Variants in TENT4B observed in about 807,000 individuals in gnomAD.
The protein encoded by TENT4B is terminal nucleotidyltransferase 4B, also known as PAP associated domain containing 5.
A neutral mutation model predicts 75.0 loss-of-function variants in TENT4B; 10 were observed. The observed-to-expected ratio is 0.13, with a 90% CI of 0.08 to 0.23. The LOEUF is 0.23. Among genes scored for constraint, TENT4B ranks in the 10% least tolerant of loss-of-function variants. TENT4B has a pLI of 1.00. For missense variants in TENT4B, 579 were observed against 893.8 expected (o/e 0.65, Z 4.49); for synonymous variants, 350 against 357.7 (o/e 0.98, Z 0.24).
intron 1 of TENT4B, among the ~76,000 whole-genome samples, chr16:50,183,479 G>A (rs7186732): frequency 0.75 from 113,021 of 150,280 alleles, 42,995 homozygotes; most frequent in Non-Finnish European, 0.8. Context: ...TTAATGTGCT[G>A]GTCTTTCTAT....
chr16:50,174,742 C>CTTT (rs35242106), intron 1 of TENT4B, among the ~76,000 whole-genome samples: 34 of 75,818 alleles, frequency 4.5e-4, no homozygotes, highest in South Asian at 1.0e-3. Flanking sequence ...CTCCCCTACT[C>CTTT]TTTTTTTTTT....
chr16:50,221,766 AC>A (rs1260482490), intron 5 of TENT4B, among the ~76,000 whole-genome samples: 1 of 150,584 alleles, frequency 6.6e-6, no homozygotes, highest in Admixed American at 6.6e-5. Context: ...TATAGCAAGT[AC>A]TTTTTTTTTT....
Position 50,230,466 on chromosome 16 carries a change from A to G in TENT4B, c.*1138A>G. 10 of 984,530 alleles carry G rather than the reference A, an allele frequency of 1.0e-5. No individual in the cohort carries two copies. Among genetic ancestry groups the G allele is most frequent in the Non-Finnish European group, 1.2e-5 (10 of 828,688 alleles). 61.0% of individuals were successfully genotyped at this position (984,530 alleles called of 1,614,324 possible). ...ATTCATGCTTAACTACTGTGGGAGA[A>G]TAACTGTAAACAGCTTTAATTAAAT... On this transcript the variant is annotated 3_prime_UTR_variant, in exon 12 of 12. Coordinates refer to ENST00000561678, the MANE Select transcript of TENT4B (RefSeq NM_001365324.3).
At position 50,225,141 on chromosome 16, in the gene TENT4B, A is replaced by G. The variant is rs754957768; in HGVS notation, c.1656A>G (p.Lys552=). ...TAGTAGATACTCAGCAGTTAGATAA[A>G]TGTAATAATAATCTATCTGAAGAAA... ...TLIVDTQQLD[K]CNNNLSEENE... is the part of the protein sequence containing the mutation. The change falls in exon 10 of 12, where the codon AAA becomes AAG. Residue 552 remains lysine, a synonymous_variant. Transcript: ENST00000561678. 3.7e-6 allele frequency: 6 copies of G among 1,613,230 alleles called. No homozygotes were observed. Among genetic ancestry groups the G allele is most frequent in the Non-Finnish European group, 5.1e-6 (6 of 1,179,332 alleles).
intron 2 of TENT4B, among the ~76,000 whole-genome samples, chr16:50,211,950 A>T (rs1000398744): frequency 1.3e-5 from 2 of 152,138 alleles, no homozygotes; most frequent in African/African-American, 4.8e-5. Context: ...GCCATTTTTC[A>T]TCTCTCTCAG....
At chr16:50,188,588 T>C (rs183602711) in intron 1 of TENT4B, among the ~76,000 whole-genome samples, 1 of 152,346 alleles carries the variant, frequency 6.6e-6, no homozygotes, top group Non-Finnish European at 1.5e-5. Flanking sequence ...TTATAGAGAA[T>C]GTATAGACCT....
rs78817312 is a variant in TENT4B at position 50,171,547 on chromosome 16, A to C, written c.638+17288A>C. Reference sequence around the variant, plus strand: ...CTCCCAGATAGTCATGGATTTTTCTATTTAGAAGCTCCTTCTCAGTTTTTC... The same window carrying C: ...CTCCCAGATAGTCATGGATTTTTCTCTTTAGAAGCTCCTTCTCAGTTTTTC... On this transcript the variant is annotated intron_variant, in intron 1 of 11. Transcript: ENST00000561678. 4.6e-3 allele frequency among the ~76,000 whole-genome samples: 699 copies of C among 152,242 alleles called. 1 individual carries two copies. Among genetic ancestry groups the C allele is most frequent in the South Asian group, 0.02 (95 of 4,828 alleles).
intron 1 of TENT4B, among the ~76,000 whole-genome samples, chr16:50,164,675 T>C (rs2038066018): frequency 6.6e-6 from 1 of 152,110 alleles, no homozygotes; most frequent in African/African-American, 2.4e-5. Flanking sequence ...TGGTTTTCAA[T>C]CTAAATTTTT....
intron 1 of TENT4B, among the ~76,000 whole-genome samples, chr16:50,197,892 G>C (rs988880275): frequency 3.3e-5 from 5 of 152,050 alleles, no homozygotes; most frequent in African/African-American, 1.2e-4. Flanking sequence ...GTTCATTATG[G>C]ACAGAAAAAC....
intron 5 of TENT4B, among the ~76,000 whole-genome samples, chr16:50,221,249 G>GA (rs1174798871): frequency 4.6e-5 from 7 of 151,830 alleles, no homozygotes; most frequent in African/African-American, 1.7e-4. Context: ...GAATGAGGGG[G>GA]AAAAAAATGG....
At chr16:50,174,449 A>G (rs2038264874) in intron 1 of TENT4B, among the ~76,000 whole-genome samples, 1 of 152,234 alleles carries the variant, frequency 6.6e-6, no homozygotes, top group East Asian at 1.9e-4. Flanking sequence ...TGATTCTTTT[A>G]AAATTAATAC....
At chr16:50,191,606 C>T (rs543075921) in intron 1 of TENT4B, among the ~76,000 whole-genome samples, 2 of 151,668 alleles carry the variant, frequency 1.3e-5, no homozygotes, top group East Asian at 1.9e-4. Context: ...CACATAGCAG[C>T]TAACACCAAG....
chr16:50,190,423 C>A (rs917954293), intron 1 of TENT4B, among the ~76,000 whole-genome samples: 1 of 151,960 alleles, frequency 6.6e-6, no homozygotes, highest in Non-Finnish European at 1.5e-5. Context: ...AGTTTCAGAA[C>A]GTTTTTGCCC....
At chr16:50,176,089 A>G (rs2038302466) in intron 1 of TENT4B, among the ~76,000 whole-genome samples, 1 of 147,508 alleles carries the variant, frequency 6.8e-6, no homozygotes, top group African/African-American at 2.5e-5. Flanking sequence ...AGCCAATATA[A>G]TTCTTTTTTT....
At chr16:50,159,441 T>C (rs2037963229) in intron 1 of TENT4B, among the ~76,000 whole-genome samples, 1 of 152,080 alleles carries the variant, frequency 6.6e-6, no homozygotes, top group South Asian at 2.1e-4. Context: ...GGTTTCTCCA[T>C]GTTGGTCAGG....
At position 50,153,854 on chromosome 16, in the gene TENT4B, C is replaced by A; in HGVS notation, c.233C>A (p.Pro78Gln). The change falls in exon 1 of 12, where the codon CCG becomes CAG. Residue 78 changes from proline (P) to glutamine (Q), a missense_variant. By Grantham distance (76) the Pro-to-Gln change is moderately conservative. Around this residue, in one of 7 missense-constraint regions of TENT4B, gnomAD observed 253 missense variants for 270.1 expected, o/e 0.94. Transcript: ENST00000561678. The stretch of plus-strand genomic sequence containing the variant: ...GGCGGCGCGGCCTCGGCCCCGGCCC[C>A]GGCCCCGGCCGGCATGTATCGCTCC... ...SPGGAASAPA[P>Q]APAGMYRSGE... 7.2e-7 allele frequency: 1 copy of A among 1,381,230 alleles called. No homozygotes were observed. The highest frequency in any genetic ancestry group is 9.3e-7 in the Non-Finnish European group (1 of 1,072,152). 85.6% of individuals were successfully genotyped at this position (1,381,230 alleles called of 1,614,324 possible).
intron 1 of TENT4B, among the ~76,000 whole-genome samples, chr16:50,198,879 A>T (rs1336726847): frequency 6.6e-6 from 1 of 152,240 alleles, no homozygotes; most frequent in Non-Finnish European, 1.5e-5. Flanking sequence ...CCAGCTATCC[A>T]TGAGAGTATA....
chr16:50,206,354 ATTTTTTTTTT>A (rs35118426), intron 1 of TENT4B, among the ~76,000 whole-genome samples: 4 of 96,550 alleles, frequency 4.1e-5, no homozygotes, highest in Non-Finnish European at 8.2e-5. Flanking sequence ...ATATGTATGT[ATTTTTTTTTT>A]TTTTTTTTTT....
At chr16:50,178,142 CTTTT>C (rs35008488) in intron 1 of TENT4B, among the ~76,000 whole-genome samples, 1 of 115,628 alleles carries the variant, frequency 8.6e-6, no homozygotes, top group South Asian at 3.0e-4. Flanking sequence ...AGGTGGTCTA[CTTTT>C]TTTTTTTTTT....
Sources: allele counts gnomAD v4.1 joint callset (sites outside exome capture counted in the v4.1 genomes callset), GRCh38; gene constraint gnomAD v4.1.1; regional missense constraint gnomAD v4.1.1; transcripts MANE v1.5; gene names NCBI Gene and HGNC (gene_info 2026-07-23, HGNC 2026-07-21).